Variants in RAB3IP observed in about 807,000 individuals in gnomAD.
RAB3IP encodes RAB3A interacting protein.
RAB3IP carries 36 observed loss-of-function variants against 59.1 expected under a neutral mutation model. That is an observed-to-expected ratio of 0.61 (90% CI 0.47 to 0.80). The LOEUF (loss-of-function observed/expected upper bound fraction) is 0.80, where lower values mean the gene tolerates loss of function less well. Among genes scored for constraint, RAB3IP ranks in the 30% least tolerant of loss-of-function variants. The probability of loss-of-function intolerance (pLI) is 0.00; values close to 1 mark genes in which losing one functional copy is unlikely to be tolerated. For missense variants in RAB3IP, 511 were observed against 536.0 expected, an observed-to-expected ratio of 0.95 and a Z score of 0.46; for synonymous variants, 207 against 191.2, an observed-to-expected ratio of 1.08 and a Z score of -0.68.
chr12:69,761,404 C>T (rs1871291265), intron 3 of RAB3IP, among the ~76,000 whole-genome samples: 1 of 152,070 alleles, frequency 6.6e-6, no homozygotes, highest in South Asian at 2.1e-4. Flanking sequence ...TCTTTTATTG[C>T]CTAATATCAA....
chr12:69,738,813 T>G (rs1168913384), upstream of RAB3IP: 8 of 148,638 alleles, frequency 5.4e-5, no homozygotes, highest in African/African-American at 2.0e-4. Context: ...CCTCCCTCCG[T>G]GAGGACCGGC....
intron 3 of RAB3IP, among the ~76,000 whole-genome samples, chr12:69,779,673 C>T (rs191665456): frequency 3.3e-4 from 38 of 115,770 alleles, no homozygotes; most frequent in East Asian, 1.5e-3. Flanking sequence ...ACTGCACATT[C>T]TAGCTAGGGA....
At chr12:69,769,774 AT>A (rs1350647917) in intron 3 of RAB3IP, among the ~76,000 whole-genome samples, 2 of 152,204 alleles carry the variant, frequency 1.3e-5, no homozygotes, top group African/African-American at 4.8e-5. Context: ...AGTAGCATGT[AT>A]TTTATGGTGA....
At chr12:69,758,696 G>C (rs1033858017) in intron 3 of RAB3IP, among the ~76,000 whole-genome samples, 6 of 137,696 alleles carry the variant, frequency 4.4e-5, no homozygotes, top group Non-Finnish European at 7.7e-5. Flanking sequence ...TAATAACAAA[G>C]AATCTTTACA....
intron 3 of RAB3IP, among the ~76,000 whole-genome samples, chr12:69,759,466 G>A (rs576397219): frequency 2.2e-3 from 328 of 151,718 alleles, no homozygotes; most frequent in African/African-American, 7.6e-3. Context: ...AACCGCCATC[G>A]TCATCATGGC....
Position 69,747,401 on chromosome 12 carries a change from C to T in RAB3IP, c.-25-7983C>T, listed in dbSNP as rs111492895. Among the ~76,000 whole-genome samples, 63 of 152,024 alleles carry T rather than the reference C, an allele frequency of 4.1e-4. 1 individual carries two copies. Among genetic ancestry groups the T allele is most frequent in the African/African-American group, 1.4e-3 (60 of 41,440 alleles). On this transcript the variant is annotated intron_variant, in intron 1 of 10. Transcript: ENST00000247833. ...AGTGCAGTGGCACAATCACAGTTCG[C>T]TATAGCCTCAACCTTCCTGGCTCAG...
At position 69,783,299 on chromosome 12, in the gene RAB3IP, C is replaced by T. The variant is rs139289831; in HGVS notation, c.511-1421C>T. ...GGTCAAAAAGGTTTTTCTTTTCCAG[C>T]GCACTGTTTCTGAGAGCTTTACATG... On this transcript the variant is annotated intron_variant, in intron 3 of 10. Coordinates refer to ENST00000247833, the MANE Select transcript of RAB3IP (RefSeq NM_022456.5). Among the ~76,000 whole-genome samples, 776 of 152,226 alleles carry T rather than the reference C, an allele frequency of 5.1e-3. 7 individuals are homozygous for T. The highest frequency in any genetic ancestry group is 0.018 in the African/African-American group (740 of 41,520).
At chr12:69,801,282 A>G (rs2093578091) in intron 7 of RAB3IP, among the ~76,000 whole-genome samples, 2 of 152,234 alleles carry the variant, frequency 1.3e-5, no homozygotes. Flanking sequence ...TTAGCAGAAT[A>G]AAGCTTTAGG....
At chr12:69,807,848 C>T (rs564386885) in intron 8 of RAB3IP, among the ~76,000 whole-genome samples, 160 of 147,786 alleles carry the variant, frequency 1.1e-3, no homozygotes, top group African/African-American at 3.8e-3. Flanking sequence ...CGTGCGGAGG[C>T]GCTCCTCACC....
intron 4 of RAB3IP, among the ~76,000 whole-genome samples, chr12:69,791,732 G>A (rs1485106975): frequency 6.6e-6 from 1 of 152,170 alleles, no homozygotes; most frequent in Non-Finnish European, 1.5e-5. Flanking sequence ...AATTGGTACA[G>A]CCATTATGGA....
rs374214337 is a variant in RAB3IP, at chr12:69,818,477, G to T, written c.*3031G>T. 1 of 151,878 alleles carries T rather than the reference G, an allele frequency of 6.6e-6. No individual in the cohort carries two copies. Among genetic ancestry groups the T allele is most frequent in the African/African-American group, 2.4e-5 (1 of 41,330 alleles). 9.4% of individuals were successfully genotyped at this position (151,878 alleles called of 1,614,324 possible). ...AAAAAAAAAAAAAGTATACCCATGGGTCAGCAATTTCACTTTTCAGTATAT... is the reference window on the plus strand; with the variant it reads ...AAAAAAAAAAAAAGTATACCCATGGTTCAGCAATTTCACTTTTCAGTATAT... On this transcript the variant is annotated 3_prime_UTR_variant, in exon 11 of 11. Coordinates refer to ENST00000247833, the MANE Select transcript of RAB3IP (RefSeq NM_022456.5).
At chr12:69,806,713 A>G (rs891976748) in intron 8 of RAB3IP, among the ~76,000 whole-genome samples, 1 of 151,994 alleles carries the variant, frequency 6.6e-6, no homozygotes, top group African/African-American at 2.4e-5. Context: ...TTTCCTAGAC[A>G]GAGGTCCCTG....
chr12:69,768,825 A>G (rs572297130), intron 3 of RAB3IP, among the ~76,000 whole-genome samples: 2 of 152,248 alleles, frequency 1.3e-5, no homozygotes, highest in East Asian at 3.9e-4. Flanking sequence ...CAGGTGCTCC[A>G]ATCTCTGTCC....
At chr12:69,808,975 A>G (rs1395870729) in intron 8 of RAB3IP, among the ~76,000 whole-genome samples, 1 of 151,804 alleles carries the variant, frequency 6.6e-6, no homozygotes, top group East Asian at 1.9e-4. Context: ...TCATTAGTTG[A>G]TGCAGTTTCT....
At chr12:69,814,243 ATTTAC>A (rs1181403239) in intron 10 of RAB3IP, among the ~76,000 whole-genome samples, 2 of 152,136 alleles carry the variant, frequency 1.3e-5, no homozygotes, top group Non-Finnish European at 2.9e-5. Flanking sequence ...CAGAAAGATA[ATTTAC>A]TTTATGAAAA....
intron 8 of RAB3IP, among the ~76,000 whole-genome samples, chr12:69,807,463 G>A (rs1385441612): frequency 1.7e-4 from 25 of 145,702 alleles, no homozygotes; most frequent in South Asian, 1.3e-3. Flanking sequence ...CAGACAGGAC[G>A]GCTGGGCAGA....
intron 3 of RAB3IP, among the ~76,000 whole-genome samples, chr12:69,761,182 G>C (rs1185355125): frequency 6.6e-6 from 1 of 152,050 alleles, no homozygotes; most frequent in African/African-American, 2.4e-5. Flanking sequence ...TATCTAATCT[G>C]TTAATCCCAT....
At chr12:69,813,946 C>A (rs1880821681) in intron 10 of RAB3IP, among the ~76,000 whole-genome samples, 1 of 152,126 alleles carries the variant, frequency 6.6e-6, no homozygotes, top group African/African-American at 2.4e-5. Context: ...TGTCATATTT[C>A]TTTAAAATCC....
chr12:69,799,100 G>A (rs943281442), intron 6 of RAB3IP, among the ~76,000 whole-genome samples: 2 of 152,134 alleles, frequency 1.3e-5, no homozygotes, highest in African/African-American at 2.4e-5. Flanking sequence ...TTTGATTCAA[G>A]GAATTTATGA....
Sources: allele counts gnomAD v4.1 joint callset (sites outside exome capture counted in the v4.1 genomes callset), GRCh38; gene constraint gnomAD v4.1.1; transcripts MANE v1.5; gene names NCBI Gene and HGNC (gene_info 2026-07-23, HGNC 2026-07-21).